RAB7A: variants seen among roughly 807,000 people sequenced by gnomAD.
The protein encoded by RAB7A is ras-related protein Rab-7a.
Under a neutral mutation model 24.5 loss-of-function variants are expected in RAB7A, and 2 were observed. That is an observed-to-expected ratio of 0.08 (90% CI 0.03 to 0.26). RAB7A has a LOEUF of 0.26. RAB7A is among the 10% of genes least tolerant of loss of function. The probability of loss-of-function intolerance (pLI) is 1.00; values close to 1 mark genes in which losing one functional copy is unlikely to be tolerated. For synonymous variants in RAB7A, 100 were observed against 95.9 expected (o/e 1.04, Z -0.25); for missense variants, 118 against 255.7 (o/e 0.46, Z 3.67).
At chr3:128,741,743 CT>C (rs2070556328) in intron 1 of RAB7A, among the ~76,000 whole-genome samples, 1 of 152,076 alleles carries the variant, frequency 6.6e-6, no homozygotes, top group Admixed American at 6.6e-5. Context: ...GTACTGCTGT[CT>C]TATTTGCGTC....
At chr3:128,751,250 C>A (rs2070678366) in intron 1 of RAB7A, among the ~76,000 whole-genome samples, 1 of 152,122 alleles carries the variant, frequency 6.6e-6, no homozygotes, top group Non-Finnish European at 1.5e-5. Context: ...TCCTTCAGAC[C>A]CCAGAATAGT....
At chr3:128,728,962 C>G (rs750348605) in intron 1 of RAB7A, among the ~76,000 whole-genome samples, 4 of 152,288 alleles carry the variant, frequency 2.6e-5, no homozygotes, top group Middle Eastern at 3.4e-3. Context: ...CTGTGTTACC[C>G]TATCTCCCAC....
intron 1 of RAB7A, among the ~76,000 whole-genome samples, chr3:128,785,703 C>T (rs1009547664): frequency 4.1e-5 from 6 of 147,858 alleles, no homozygotes; most frequent in Non-Finnish European, 5.9e-5. Context: ...GAACAGAGAT[C>T]GCGCCACTGT....
intron 3 of RAB7A, among the ~76,000 whole-genome samples, chr3:128,799,520 G>C (rs1172126773): frequency 6.6e-6 from 1 of 152,144 alleles, no homozygotes; most frequent in African/African-American, 2.4e-5. Context: ...GTAGGTTAAA[G>C]GTAGAAATTT....
At chr3:128,733,190 T>C (rs922645192) in intron 1 of RAB7A, among the ~76,000 whole-genome samples, 4 of 152,196 alleles carry the variant, frequency 2.6e-5, no homozygotes, top group African/African-American at 9.7e-5. Context: ...CCTCTTAGTC[T>C]CCTTTAAGTC....
chr3:128,728,344 A>G (rs1435827283), intron 1 of RAB7A, among the ~76,000 whole-genome samples: 3 of 152,232 alleles, frequency 2.0e-5, no homozygotes, highest in East Asian at 1.9e-4. Flanking sequence ...CAGCATTTGT[A>G]TGGTTTGCTC....
chr3:128,733,778 T>C (rs542164321), intron 1 of RAB7A, among the ~76,000 whole-genome samples: 5 of 152,230 alleles, frequency 3.3e-5, no homozygotes, highest in Non-Finnish European at 7.3e-5. Flanking sequence ...AGTCACATTC[T>C]GATATATTGG....
chr3:128,781,470 A>G (rs1019598191), intron 1 of RAB7A, among the ~76,000 whole-genome samples: 1 of 151,500 alleles, frequency 6.6e-6, no homozygotes, highest in Non-Finnish European at 1.5e-5. Context: ...GGAGTTTGAG[A>G]CCAGCCTGGG....
intron 3 of RAB7A, among the ~76,000 whole-genome samples, chr3:128,805,836 G>A (rs1933791485): frequency 6.6e-6 from 1 of 152,122 alleles, no homozygotes; most frequent in Non-Finnish European, 1.5e-5. Context: ...ATTTATAGTA[G>A]AGACAGGGTT....
At chr3:128,775,726 C>T (rs901322176) in intron 1 of RAB7A, among the ~76,000 whole-genome samples, 1 of 152,038 alleles carries the variant, frequency 6.6e-6, no homozygotes, top group Admixed American at 6.6e-5. Flanking sequence ...CCATGAAATG[C>T]CTGTTAAGTA....
chr3:128,795,252 G>A (rs919004934), intron 1 of RAB7A, 108 bp from the exon 2 acceptor site: 15 of 901,288 alleles, frequency 1.7e-5, no homozygotes, highest in Non-Finnish European at 2.6e-5. Flanking sequence ...CTAGCAGGAA[G>A]GTTCAGGGCC....
rs1933076560 is a variant in RAB7A, at chr3:128,775,873, G to T, written c.-8-19487G>T. Among the ~76,000 whole-genome samples the T allele has an allele frequency of 2.0e-5, 3 of 152,142 alleles. No individual in the cohort carries two copies. The South Asian group carries it at 6.2e-4, about 32-fold the overall frequency. ...GGCTGTATCAGGCTATTTAACATTT[G>T]CATTACCTCACATACTTTTTTTTTG... On this transcript the variant is annotated intron_variant, in intron 1 of 5. Transcript: ENST00000265062.
intron 1 of RAB7A, among the ~76,000 whole-genome samples, chr3:128,771,757 C>T (rs567104871): frequency 2.6e-5 from 4 of 152,326 alleles, no homozygotes; most frequent in African/African-American, 7.2e-5. Context: ...AGCAGAGCGT[C>T]TGGGAGTCTC....
intron 1 of RAB7A, among the ~76,000 whole-genome samples, chr3:128,750,340 C>T (rs2070664404): frequency 6.6e-6 from 1 of 152,218 alleles, no homozygotes; most frequent in African/African-American, 2.4e-5. Flanking sequence ...CAGCTCACTG[C>T]AGCCTCTGCC....
At chr3:128,809,265 T>C (rs536524835) in intron 5 of RAB7A, among the ~76,000 whole-genome samples, 1 of 152,340 alleles carries the variant, frequency 6.6e-6, no homozygotes, top group East Asian at 1.9e-4. Flanking sequence ...GGGTGCCAGG[T>C]TGCTTTCCCC....
At chr3:128,774,185 T>TAA (rs34234745) in intron 1 of RAB7A, among the ~76,000 whole-genome samples, 1 of 115,066 alleles carries the variant, frequency 8.7e-6, no homozygotes, top group Non-Finnish European at 2.0e-5. Flanking sequence ...ATGTATTAAC[T>TAA]AAAAAAAAAA....
At chr3:128,747,398 C>T (rs990522589) in intron 1 of RAB7A, among the ~76,000 whole-genome samples, 1 of 151,572 alleles carries the variant, frequency 6.6e-6, no homozygotes, top group Non-Finnish European at 1.5e-5. Context: ...ACCAGCCTGA[C>T]CAACATGGAG....
At chr3:128,791,033 C>A (rs574896904) in intron 1 of RAB7A, among the ~76,000 whole-genome samples, 17 of 152,206 alleles carry the variant, frequency 1.1e-4, no homozygotes, top group Admixed American at 1.1e-3. Context: ...TTATTTTTCT[C>A]ATTTAGGTCC....
intron 1 of RAB7A, among the ~76,000 whole-genome samples, chr3:128,728,110 C>T (rs1488943376): frequency 2.0e-5 from 3 of 152,162 alleles, no homozygotes; most frequent in Non-Finnish European, 2.9e-5. Context: ...AGCAATGTAT[C>T]AGGCATTGTG....
Sources: gnomAD v4.1 joint callset for allele counts (sites outside exome capture counted in the v4.1 genomes callset) on GRCh38, gnomAD v4.1.1 for gene constraint, MANE v1.5 for transcripts, NCBI Gene and HGNC (gene_info 2026-07-23, HGNC 2026-07-21) for gene names.